Variants in KIAA0825 observed in about 807,000 individuals in gnomAD.
The protein encoded by KIAA0825 is uncharacterized protein KIAA0825.
A neutral mutation model predicts 147.6 loss-of-function variants in KIAA0825; 119 were observed. That is an observed-to-expected ratio of 0.81 (90% confidence interval 0.69 to 0.94). KIAA0825 has a LOEUF of 0.94. KIAA0825 is among the 40% of genes least tolerant of loss of function. The pLI is 0.00. For missense variants in KIAA0825, 1,381 were observed against 1,472.7 expected, an observed-to-expected ratio of 0.94 and a Z score of 1.02; for synonymous variants, 470 against 518.1, an observed-to-expected ratio of 0.91 and a Z score of 1.26.
intron 20 of KIAA0825, among the ~76,000 whole-genome samples, chr5:94,327,117 T>C (rs1780777605): frequency 6.6e-6 from 1 of 152,340 alleles, no homozygotes; most frequent in South Asian, 2.1e-4. Flanking sequence ...CATGGGGATT[T>C]ACAGCAAGAT....
chr5:94,441,156 C>A (rs935115654), intron 13 of KIAA0825, among the ~76,000 whole-genome samples: 6 of 151,508 alleles, frequency 4.0e-5, no homozygotes, highest in Admixed American at 3.3e-4. Flanking sequence ...ATCCAGTGAT[C>A]AACACAGTCT....
chr5:94,346,183 C>T (rs1782968086), intron 20 of KIAA0825, among the ~76,000 whole-genome samples: 1 of 152,078 alleles, frequency 6.6e-6, no homozygotes, highest in Non-Finnish European at 1.5e-5. Flanking sequence ...CCCTTACTAT[C>T]ATTCAATAGT....
intron 1 of KIAA0825, chr5:94,594,090 G>A: frequency 3.7e-6 from 2 of 543,236 alleles, no homozygotes; most frequent in Non-Finnish European, 7.5e-6. Context: ...ATCCTCTTAT[G>A]TTAGTGTTTC....
rs989969202 is a variant in KIAA0825 at position 94,171,386 on chromosome 5, C to T, written c.3711-17262G>A. Among the ~76,000 whole-genome samples the T allele has an allele frequency of 4.6e-5, 7 of 152,216 alleles. No homozygotes were observed. In the East Asian group the frequency reaches 1.2e-3, roughly 25 times the overall value. ...TTAAACCTCTTTTTCTTCCCAGTCT[C>T]GGGTATGTCTTTATCAGCTGTGTGG... On this transcript the variant is annotated intron_variant, in intron 20 of 20. Coordinates refer to ENST00000682413, the MANE Select transcript of KIAA0825 (RefSeq NM_001145678.3).
chr5:94,226,097 G>T (rs1443074216), intron 20 of KIAA0825, among the ~76,000 whole-genome samples: 3 of 152,066 alleles, frequency 2.0e-5, no homozygotes, highest in Non-Finnish European at 4.4e-5. Flanking sequence ...TGGGAGAAAA[G>T]TTTTGCCATC....
intron 15 of KIAA0825, among the ~76,000 whole-genome samples, chr5:94,407,113 G>A (rs1488582113): frequency 6.6e-6 from 1 of 152,146 alleles, no homozygotes; most frequent in Non-Finnish European, 1.5e-5. Context: ...TACACAGTGG[G>A]GAGGAATTTT....
chr5:94,594,940 C>A (rs1285161405), intron 1 of KIAA0825: 1 of 279,028 alleles, frequency 3.6e-6, no homozygotes, highest in African/African-American at 2.3e-5. Context: ...ACATCCAAGG[C>A]ATGCTGATGT....
At chr5:94,617,159 A>G (rs1790753696) in intron 1 of KIAA0825, among the ~76,000 whole-genome samples, 1 of 152,204 alleles carries the variant, frequency 6.6e-6, no homozygotes, top group Admixed American at 6.5e-5. Flanking sequence ...AGTATTAATG[A>G]TTGGCTACAT....
intron 20 of KIAA0825, among the ~76,000 whole-genome samples, chr5:94,170,256 G>A (rs543321657): frequency 3.3e-5 from 5 of 152,116 alleles, no homozygotes; most frequent in East Asian, 3.9e-4. Flanking sequence ...CCAAGATCAC[G>A]CCACTGCACT....
intron 5 of KIAA0825, among the ~76,000 whole-genome samples, chr5:94,500,162 G>A (rs572117888): frequency 6.6e-6 from 1 of 152,268 alleles, no homozygotes; most frequent in African/African-American, 2.4e-5. Context: ...GTCAAGGAAG[G>A]CTTGCTTTCC....
At chr5:94,483,620 T>G (rs545674898) in intron 6 of KIAA0825, among the ~76,000 whole-genome samples, 197 of 151,912 alleles carry the variant, frequency 1.3e-3, no homozygotes, top group African/African-American at 4.5e-3. Context: ...CAGAAATCTA[T>G]AGTCCATCTT....
chr5:94,590,054 A>T, intron 1 of KIAA0825, among the ~76,000 whole-genome samples: 1 of 152,010 alleles, frequency 6.6e-6, no homozygotes, highest in East Asian at 1.9e-4. Context: ...GAGTGGCGCA[A>T]TCTTGGCTCA....
At chr5:94,539,846 T>C (rs1271108544) in intron 2 of KIAA0825, among the ~76,000 whole-genome samples, 1 of 152,064 alleles carries the variant, frequency 6.6e-6, no homozygotes, top group Non-Finnish European at 1.5e-5. Context: ...TAAGAATGGG[T>C]TTGGCACTAC....
chr5:94,604,281 G>A (rs887252594), intron 1 of KIAA0825, among the ~76,000 whole-genome samples: 2 of 152,180 alleles, frequency 1.3e-5, no homozygotes, highest in African/African-American at 2.4e-5. Context: ...TTCACTTATG[G>A]TGGTTCATGC....
At chr5:94,321,876 T>G (rs1228422828) in intron 20 of KIAA0825, among the ~76,000 whole-genome samples, 1 of 151,974 alleles carries the variant, frequency 6.6e-6, no homozygotes, top group Non-Finnish European at 1.5e-5. Context: ...AGAGCAAGAC[T>G]TTATCATAGA....
chr5:94,281,827 A>T (rs1777482330), intron 20 of KIAA0825, among the ~76,000 whole-genome samples: 1 of 152,086 alleles, frequency 6.6e-6, no homozygotes, highest in South Asian at 2.1e-4. Flanking sequence ...TCTCAGCAGC[A>T]GCTGCTGTAC....
intron 3 of KIAA0825, among the ~76,000 whole-genome samples, chr5:94,534,891 G>A (rs1371562995): frequency 6.6e-6 from 1 of 151,984 alleles, no homozygotes; most frequent in Non-Finnish European, 1.5e-5. Context: ...TTAGGTAAAT[G>A]TCTTGTTAAT....
chr5:94,480,524 C>A (rs1290519041), intron 6 of KIAA0825, among the ~76,000 whole-genome samples: 1 of 151,942 alleles, frequency 6.6e-6, no homozygotes, highest in African/African-American at 2.4e-5. Context: ...AAAAATAATA[C>A]TAGATTGAAG....
At chr5:94,519,275 T>TTAAA in intron 5 of KIAA0825, 1 of 901,040 alleles carries the variant, frequency 1.1e-6, no homozygotes, top group Non-Finnish European at 1.3e-6. Context: ...TATAGGAATT[T>TTAAA]TAAAAAGATG....
Sources: allele counts gnomAD v4.1 joint callset (sites outside exome capture counted in the v4.1 genomes callset), GRCh38; gene constraint gnomAD v4.1.1; transcripts MANE v1.5; gene names NCBI Gene and HGNC (gene_info 2026-07-23, HGNC 2026-07-21).